Variants in GPN1 observed in about 807,000 individuals in gnomAD.
GPN1 encodes the protein GPN-loop GTPase 1, also known as ATP(GTP)-binding protein.
GPN1 carries 44 observed loss-of-function variants against 55.9 expected under a neutral mutation model. The ratio of observed to expected loss-of-function variants is 0.79; its 90% CI spans 0.62 to 1.01. The LOEUF is 1.01. GPN1 is among the 50% of genes least tolerant of loss of function. The pLI is 0.00. For missense variants in GPN1, 466 were observed against 462.8 expected (o/e 1.01, Z -0.06); for synonymous variants, 179 against 162.5 (o/e 1.10, Z -0.77).
chr2:27,638,525 G>A (rs766651034), intron 8 of GPN1, among the ~76,000 whole-genome samples: 5 of 152,156 alleles, frequency 3.3e-5, no homozygotes, highest in African/African-American at 1.2e-4. Flanking sequence ...GTGTAATTAC[G>A]AGAGGGACAA....
chr2:27,646,221 T>C (rs950143761), intron 12 of GPN1, among the ~76,000 whole-genome samples: 6 of 152,056 alleles, frequency 3.9e-5, no homozygotes, highest in Non-Finnish European at 8.8e-5. Flanking sequence ...TTTGCATTTT[T>C]AGTAGAGACA....
intron 7 of GPN1, among the ~76,000 whole-genome samples, chr2:27,636,932 C>T (rs572357312): frequency 1.3e-4 from 20 of 152,252 alleles, no homozygotes; most frequent in East Asian, 1.2e-3. Flanking sequence ...GTCCTCCCAG[C>T]GTGGCCTCCC....
At chr2:27,628,371 G>C (rs1365768291), upstream of GPN1, 3 of 1,529,518 alleles carry the variant, frequency 2.0e-6, no homozygotes, top group South Asian at 3.6e-5. Context: ...AGGGGAGGAA[G>C]CTCCCCTCCA....
intron 3 of GPN1, chr2:27,631,486 A>T: frequency 2.3e-6 from 1 of 435,042 alleles, no homozygotes; most frequent in East Asian, 4.5e-5. Context: ...ACTAATCATA[A>T]TCAGCAGATT....
Position 27,630,070 on chromosome 2 carries a change from G to A in GPN1, c.205+118G>A, listed in dbSNP as rs13412528. On this transcript the variant is annotated intron_variant, in intron 2 of 13. Transcript: ENST00000610189. The stretch of plus-strand genomic sequence containing the variant: ...TGGGAGGCCGAGGCAGGTAGATCAC[G>A]AGGTCAGGAGTTCAAGACCAGCCTG... 724 of 664,886 alleles carry A rather than the reference G, an allele frequency of 1.1e-3. 6 individuals carry two copies. The African/African-American group carries it at 0.012, about 11-fold the overall frequency. The allele number at this position is 664,886 out of a possible 1,614,324, so 41.2% of individuals were successfully genotyped here. A position where few individuals can be genotyped will look rare whatever the true frequency, so the allele number is the denominator to read the frequency against.
chr2:27,638,337 A>G, intron 8 of GPN1, 82 bp downstream of exon 8: 1 of 781,630 alleles, frequency 1.3e-6, no homozygotes, highest in South Asian at 1.5e-5. Flanking sequence ...GAGAAAGATT[A>G]TTTCAGATGC....
At chr2:27,630,483 A>G (rs2148062137) in intron 2 of GPN1, among the ~76,000 whole-genome samples, 1 of 141,368 alleles carries the variant, frequency 7.1e-6, no homozygotes, top group Non-Finnish European at 1.5e-5. Context: ...TCAACATCCC[A>G]GGCTCAAGTG....
intron 1 of GPN1, 196 bp downstream of exon 1, chr2:27,629,365 G>T (rs770515918): frequency 6.5e-7 from 1 of 1,548,378 alleles, no homozygotes; most frequent in Non-Finnish European, 8.7e-7. Flanking sequence ...TCTCTTCTGC[G>T]CACCTTCAGG....
rs951942987 is a variant in GPN1 at position 27,643,321 on chromosome 2, ATTCT to A, written c.931+805_931+808del. 1.3e-5 allele frequency among the ~76,000 whole-genome samples: 2 copies of A among 151,734 alleles called. No individual in the cohort carries two copies. Among genetic ancestry groups the A allele is most frequent in the African/African-American group, 4.8e-5 (2 of 41,352 alleles). On this transcript the variant is annotated intron_variant, in intron 12 of 13. Transcript: ENST00000610189. The surrounding 1 kb of genome is among the most constrained non-coding windows in gnomAD (Gnocchi z 4.0). ...GTTAACATTCTACCATGTTTACTTT[ATTCT>A]TTATCTATATATGACTTTATATGTT...
Position 27,642,480 on chromosome 2 carries a change from G to T in GPN1, c.892G>T (p.Asp298Tyr), listed in dbSNP as rs1220000562. 6.2e-7 allele frequency: 1 copy of T among 1,613,646 alleles called. No individual in the cohort carries two copies. Among genetic ancestry groups the T allele is most frequent in the East Asian group, 2.2e-5 (1 of 44,878 alleles). ...QREQLERLRK[D>Y]MGSVALDAGT... Reference sequence around the variant, plus strand: ...AGAACAACTGGAACGCCTTCGAAAAGATATGGGTTCTGTAGCCTTGGATGC... The same window carrying T: ...AGAACAACTGGAACGCCTTCGAAAATATATGGGTTCTGTAGCCTTGGATGC... The change falls in exon 12 of 14, where the codon GAT becomes TAT. Residue 298 changes from aspartate (D) to tyrosine (Y), a missense_variant. Coordinates refer to ENST00000610189, the MANE Select transcript of GPN1 (RefSeq NM_007266.4).
chr2:27,636,850 T>G (rs1044529282), intron 7 of GPN1, among the ~76,000 whole-genome samples: 2 of 152,168 alleles, frequency 1.3e-5, no homozygotes, highest in African/African-American at 4.8e-5. Context: ...TTAAAAAAAT[T>G]AATTAATTTA....
At chr2:27,638,766 T>A in intron 8 of GPN1, 119 bp from the exon 9 acceptor site, 1 of 778,762 alleles carries the variant, frequency 1.3e-6, no homozygotes. Flanking sequence ...GGAGGGGAAA[T>A]AGAAGCAGAG....
At chr2:27,629,554 C>A in intron 1 of GPN1, 1 of 734,372 alleles carries the variant, frequency 1.4e-6, no homozygotes, top group Non-Finnish European at 2.3e-6. Context: ...GGGGATATAG[C>A]GAAAATGAGG....
At chr2:27,636,099 C>G (rs1395581305) in intron 7 of GPN1, among the ~76,000 whole-genome samples, 1 of 151,898 alleles carries the variant, frequency 6.6e-6, no homozygotes, top group South Asian at 2.1e-4. Flanking sequence ...GCCTGTAATC[C>G]CCGCTACCTG....
Position 27,647,836 on chromosome 2 carries a change from A to T in GPN1, c.932A>T (p.Asp311Val). 1.3e-6 allele frequency: 2 copies of T among 1,597,214 alleles called. No individual in the cohort carries two copies. The highest frequency in any genetic ancestry group is 1.7e-6 in the Non-Finnish European group (2 of 1,164,680). Residue 311 changes from aspartate to valine, a missense_variant and splice_region_variant, in exon 13 of 14, where the codon GAC becomes GTC. Physicochemically the swap from Asp to Val is radical, Grantham distance 152. Transcript: ENST00000610189. ...SVALDAGTAK[D>V]SLSPVLHPSD... ...TCACTGATAGGTGTTTTCACTGTAG[A>T]CAGCTTATCTCCTGTGCTGCACCCT...
At position 27,633,463 on chromosome 2, in the gene GPN1, A is replaced by G. The variant is rs539560064; in HGVS notation, c.350+793A>G. Among the ~76,000 whole-genome samples, 328 of 151,896 alleles carry G rather than the reference A, an allele frequency of 2.2e-3. 3 individuals are homozygous for G. The highest frequency in any genetic ancestry group is 7.2e-3 in the African/African-American group (298 of 41,410). ...TGGGACTACAGGTGTGAGCCACCAC[A>G]CCTGGCTAATTTTTGTATTTTTGTA... On this transcript the variant is annotated intron_variant, in intron 5 of 13. Coordinates refer to ENST00000610189, the MANE Select transcript of GPN1 (RefSeq NM_007266.4).
rs765082008 is a variant in GPN1 at position 27,631,849 on chromosome 2, C to G, written c.261C>G (p.Pro87=). ...TGGTGTCTAGATATGGACTTGGACC[C>G]AATGGCGGCATAGTGACCTCACTCA... ...KEVMKQYGLG[P]NGGIVTSLNL... Residue 87 remains proline (P), a synonymous_variant, in exon 4 of 14, where the codon CCC becomes CCG. Transcript: ENST00000610189. The G allele has an allele frequency of 2.5e-6, 4 of 1,599,662 alleles. No individual in the cohort carries two copies. The East Asian group carries it at 8.9e-5, about 36-fold the overall frequency.
chr2:27,629,341 A>G (rs747943774), intron 1 of GPN1, 172 bp downstream of exon 1: 9 of 1,526,422 alleles, frequency 5.9e-6, no homozygotes, highest in South Asian at 1.2e-5. Context: ...GGCCCTAGCC[A>G]GGTTAATTAA....
intron 7 of GPN1, 52 bp from the exon 8 acceptor site, chr2:27,638,158 G>A (rs1673802196): frequency 2.1e-6 from 2 of 942,002 alleles, no homozygotes; most frequent in African/African-American, 3.2e-5. Context: ...GACACTGGAT[G>A]AGCAAGAGCT....
Sources: allele counts gnomAD v4.1 joint callset (sites outside exome capture counted in the v4.1 genomes callset), GRCh38; gene constraint gnomAD v4.1.1; non-coding constraint Gnocchi (gnomAD v3.1); transcripts MANE v1.5; gene names NCBI Gene and HGNC (gene_info 2026-07-23, HGNC 2026-07-21).